SGF29: variants seen among roughly 807,000 people sequenced by gnomAD.
SGF29 encodes SAGA complex associated factor 29.
Under a neutral mutation model 38.1 loss-of-function variants are expected in SGF29, and 15 were observed. The observed-to-expected ratio is 0.39, with a 90% CI of 0.26 to 0.61. The LOEUF (loss-of-function observed/expected upper bound fraction) is 0.61, where lower values mean the gene tolerates loss of function less well. SGF29 is among the 20% of genes least tolerant of loss of function. The probability of loss-of-function intolerance (pLI) is 0.49; values close to 1 mark genes in which losing one functional copy is unlikely to be tolerated. For synonymous variants in SGF29, 151 were observed against 160.8 expected (o/e 0.94, Z 0.46); for missense variants, 184 against 394.6 (o/e 0.47, Z 4.52).
chr16:28,561,935 A>G (rs1339048826), intron 1 of SGF29, among the ~76,000 whole-genome samples: 1 of 152,170 alleles, frequency 6.6e-6, no homozygotes, highest in Non-Finnish European at 1.5e-5. Flanking sequence ...TACTTAGAAC[A>G]TGTTTCCTGG....
chr16:28,583,139 AC>A (rs2046936459), intron 2 of SGF29, among the ~76,000 whole-genome samples: 3 of 152,220 alleles, frequency 2.0e-5, no homozygotes, highest in Non-Finnish European at 4.4e-5. Context: ...CCTTTCAGGC[AC>A]CCAGTGTAAC....
chr16:28,589,014 G>T, intron 4 of SGF29, 86 bp from the exon 5 acceptor site: 1 of 1,469,860 alleles, frequency 6.8e-7, no homozygotes. Flanking sequence ...GGGCAATGTA[G>T]CTTGACCCAA....
rs1164418685 is a variant in SGF29 at position 28,564,703 on chromosome 16, A to ATATG, written c.-16+10609_-16+10610insGTAT. Among the ~76,000 whole-genome samples, 17 of 80,244 alleles carry ATATG rather than the reference A, an allele frequency of 2.1e-4. 1 individual carries two copies. The highest frequency in any genetic ancestry group is 3.1e-4 in the Non-Finnish European group (13 of 41,290). 52.6% of individuals were successfully genotyped at this position (80,244 alleles called of 152,430 possible). Reference sequence around the variant, plus strand: ...TATATATGTGTATATATATGTATATATATACATATATATGTATATATATAC... The same window carrying ATATG: ...TATATATGTGTATATATATGTATATATATGTATACATATATATGTATATATATAC... On this transcript the variant is annotated intron_variant, in intron 1 of 9. Coordinates refer to ENST00000317058, the MANE Select transcript of SGF29 (RefSeq NM_138414.3).
chr16:28,558,691 T>C (rs1166669137), intron 1 of SGF29, among the ~76,000 whole-genome samples: 1 of 152,214 alleles, frequency 6.6e-6, no homozygotes, highest in Non-Finnish European at 1.5e-5. Context: ...AAACGACATC[T>C]ATCCATAGAA....
At position 28,590,443 on chromosome 16, in the gene SGF29, G is replaced by C; in HGVS notation, c.566+1G>C. ...TCAGTTACAGCCATGCCACCAACAAGTGAGTGACACCAACCCTGGGGCTGC... is the reference window on the plus strand; with the variant it reads ...TCAGTTACAGCCATGCCACCAACAACTGAGTGACACCAACCCTGGGGCTGC... On this transcript the variant is annotated splice_donor_variant, in intron 7 of 9. Transcript: ENST00000317058. LOFTEE classifies it high-confidence loss of function. This position sits in a 1 kb window ranked among gnomAD's most constrained non-coding sequence, Gnocchi z 8.2. 1 of 1,613,912 alleles carries C rather than the reference G, an allele frequency of 6.2e-7. No homozygotes were observed. The highest frequency in any genetic ancestry group is 8.5e-7 in the Non-Finnish European group (1 of 1,179,846).
At chr16:28,583,064 C>T (rs936623349) in intron 2 of SGF29, among the ~76,000 whole-genome samples, 3 of 152,262 alleles carry the variant, frequency 2.0e-5, no homozygotes, top group Non-Finnish European at 2.9e-5. Flanking sequence ...GCCGAGTTCC[C>T]AGACTCCCAT....
chr16:28,583,388 C>A (rs559605048), intron 2 of SGF29, among the ~76,000 whole-genome samples: 1 of 152,174 alleles, frequency 6.6e-6, no homozygotes, highest in Non-Finnish European at 1.5e-5. Flanking sequence ...AAGTATCCCC[C>A]CCCAACCCCA....
intron 1 of SGF29, 140 bp from the exon 2 acceptor site, chr16:28,580,915 A>G (rs1567290935): frequency 4.6e-6 from 3 of 655,242 alleles, no homozygotes; most frequent in South Asian, 1.8e-5. Context: ...TCCTGGCCTC[A>G]AGCAATCCTC....
At chr16:28,576,907 C>A (rs1016710063) in intron 1 of SGF29, among the ~76,000 whole-genome samples, 2 of 152,198 alleles carry the variant, frequency 1.3e-5, no homozygotes, top group Non-Finnish European at 2.9e-5. Context: ...GTAATCCCAG[C>A]ACTTTGGGAG....
chr16:28,583,793 A>G (rs937058958), intron 2 of SGF29, among the ~76,000 whole-genome samples: 1 of 152,192 alleles, frequency 6.6e-6, no homozygotes, highest in African/African-American at 2.4e-5. Flanking sequence ...GTAGCTTCGT[A>G]ATAAATTTTG....
At chr16:28,563,609 C>T (rs765802715) in intron 1 of SGF29, among the ~76,000 whole-genome samples, 1 of 151,484 alleles carries the variant, frequency 6.6e-6, no homozygotes, top group African/African-American at 2.4e-5. Flanking sequence ...TTGCCTGTAG[C>T]GATAGGAGAT....
At chr16:28,570,784 G>A (rs1414927848) in intron 1 of SGF29, among the ~76,000 whole-genome samples, 1 of 151,804 alleles carries the variant, frequency 6.6e-6, no homozygotes, top group Non-Finnish European at 1.5e-5. Flanking sequence ...CACCATGTTG[G>A]CCAGGCTGGT....
At chr16:28,575,940 T>C (rs1021283339) in intron 1 of SGF29, among the ~76,000 whole-genome samples, 1 of 152,042 alleles carries the variant, frequency 6.6e-6, no homozygotes, top group Admixed American at 6.6e-5. Flanking sequence ...AGCTCAGGAA[T>C]TCGACACCAG....
At chr16:28,574,303 C>T (rs892187923) in intron 1 of SGF29, among the ~76,000 whole-genome samples, 4 of 152,298 alleles carry the variant, frequency 2.6e-5, no homozygotes, top group Middle Eastern at 3.4e-3. Context: ...TCTTCCCTCA[C>T]GGCGAGCTGC....
chr16:28,584,880 C>T (rs2046947428), intron 2 of SGF29, 33 bp from the exon 3 acceptor site: 3 of 1,565,870 alleles, frequency 1.9e-6, no homozygotes, highest in Non-Finnish European at 1.8e-6. Flanking sequence ...CACAAAGGGC[C>T]ACCGTCATGT....
Position 28,590,585 on chromosome 16 carries a change from ACTGCGCCCCTGG to A in SGF29, c.567-41_567-30del, listed in dbSNP as rs1567293897. ...CCCCCATCCTCACTCCCCAACAGGT[ACTGCGCCCCTGG>A]CTGCATCCAGCCTTTTCCTCCTTTT... is the stretch of plus-strand genomic sequence containing the variant. On this transcript the variant is annotated intron_variant, in intron 7 of 9. Coordinates refer to ENST00000317058, the MANE Select transcript of SGF29 (RefSeq NM_138414.3). This position sits in a 1 kb window ranked among gnomAD's most constrained non-coding sequence, Gnocchi z 8.2. 6.2e-7 allele frequency: 1 copy of A among 1,612,820 alleles called. No individual in the cohort carries two copies.
intron 4 of SGF29, among the ~76,000 whole-genome samples, chr16:28,587,955 A>G (rs1249438339): frequency 1.3e-5 from 2 of 151,958 alleles, no homozygotes; most frequent in Non-Finnish European, 1.5e-5. Flanking sequence ...GCCCGCCACC[A>G]CGCCGGGCTA....
chr16:28,554,944 C>T (rs1185768606), intron 1 of SGF29, among the ~76,000 whole-genome samples: 2 of 152,340 alleles, frequency 1.3e-5, no homozygotes, highest in East Asian at 1.9e-4. Context: ...TCTTCCTTTG[C>T]CTCTGCTCTC....
chr16:28,554,682 G>C (rs1483540909), intron 1 of SGF29, among the ~76,000 whole-genome samples: 2 of 151,940 alleles, frequency 1.3e-5, no homozygotes, highest in Non-Finnish European at 2.9e-5. Context: ...CTCCTCCTCG[G>C]CTCCGGTTTG....
Sources: gnomAD v4.1 joint callset for allele counts (sites outside exome capture counted in the v4.1 genomes callset) on GRCh38, gnomAD v4.1.1 for gene constraint, Gnocchi (gnomAD v3.1) non-coding constraint, MANE v1.5 for transcripts, NCBI Gene and HGNC (gene_info 2026-07-23, HGNC 2026-07-21) for gene names.